The following RNF11 variants were observed in gnomAD, a reference collection of about 807,000 sequenced individuals.
RNF11 encodes ring finger protein 11.
A neutral mutation model predicts 15.8 loss-of-function variants in RNF11; 4 were observed. That is an observed-to-expected ratio of 0.25 (90% confidence interval 0.12 to 0.58). The LOEUF is 0.58. Among genes scored for constraint, RNF11 ranks in the 20% least tolerant of loss-of-function variants. The pLI is 0.91. For synonymous variants in RNF11, 68 were observed against 72.3 expected (o/e 0.94, Z 0.30); for missense variants, 139 against 194.4 (o/e 0.71, Z 1.70).
At chr1:51,244,392 T>C (rs1433945080) in intron 1 of RNF11, among the ~76,000 whole-genome samples, 2 of 151,928 alleles carry the variant, frequency 1.3e-5, no homozygotes, top group Admixed American at 1.3e-4. Flanking sequence ...TTTTTTTTTG[T>C]TTGTTTGTTT....
chr1:51,248,983 T>C lies in RNF11; in HGVS notation c.123+12104T>C, dbSNP rs533601001. On this transcript the variant is annotated intron_variant, in intron 1 of 2. Coordinates refer to ENST00000242719, the MANE Select transcript of RNF11 (RefSeq NM_014372.5). ...TATTACATAACATTGTATTAGGTATTATAAGTAATCTAGCGATGATTTAAA... is the reference window on the plus strand; with the variant it reads ...TATTACATAACATTGTATTAGGTATCATAAGTAATCTAGCGATGATTTAAA... Among the ~76,000 whole-genome samples, 12 of 152,324 alleles carry C rather than the reference T, an allele frequency of 7.9e-5. No homozygotes were observed. In the South Asian group the frequency reaches 1.2e-3, roughly 16 times the overall value.
chr1:51,240,611 A>T (rs947906790), intron 1 of RNF11, among the ~76,000 whole-genome samples: 1 of 152,116 alleles, frequency 6.6e-6, no homozygotes, highest in Non-Finnish European at 1.5e-5. Flanking sequence ...TTAGGCATTC[A>T]GTAATTTGGT....
rs778774880 is a variant in RNF11, at chr1:51,270,102, T to C, written c.270T>C (p.Asp90=). 7 of 1,599,800 alleles carry C rather than the reference T, an allele frequency of 4.4e-6. No individual in the cohort carries two copies. The South Asian group carries it at 4.6e-5, about 10-fold the overall frequency. The change falls in exon 2 of 3, where the codon GAT becomes GAC. Residue 90 remains aspartate, a synonymous_variant. Transcript: ENST00000242719. ...LPKGVYDPGR[D]GSEKKIRECV... ...AAGGAGTTTATGACCCTGGAAGAGA[T>C]GGATCAGAAAAAAAGATCCGGGAGT...
At chr1:51,253,776 G>C (rs1646891944) in intron 1 of RNF11, among the ~76,000 whole-genome samples, 1 of 152,070 alleles carries the variant, frequency 6.6e-6, no homozygotes, top group African/African-American at 2.4e-5. Flanking sequence ...ATAATACTAT[G>C]AATGTTTAAT....
chr1:51,242,754 C>T (rs1646836048), intron 1 of RNF11, among the ~76,000 whole-genome samples: 1 of 151,994 alleles, frequency 6.6e-6, no homozygotes, highest in South Asian at 2.1e-4. Context: ...GTCACTGTGC[C>T]CTGCCTGTAA....
intron 1 of RNF11, among the ~76,000 whole-genome samples, chr1:51,267,069 T>A (rs1055022853): frequency 6.6e-6 from 1 of 152,054 alleles, no homozygotes; most frequent in African/African-American, 2.4e-5. Context: ...AGCGAGACAC[T>A]GTTTCTACCA....
chr1:51,248,998 G>A (rs923949704), intron 1 of RNF11, among the ~76,000 whole-genome samples: 6 of 152,142 alleles, frequency 3.9e-5, no homozygotes, highest in African/African-American at 1.4e-4. Flanking sequence ...GTAATCTAGC[G>A]ATGATTTAAA....
chr1:51,236,806 A>G lies in RNF11; in HGVS notation c.50A>G (p.His17Arg). 1.2e-6 allele frequency: 2 copies of G among 1,612,994 alleles called. No individual in the cohort carries two copies. Among genetic ancestry groups the G allele is most frequent in the Non-Finnish European group, 1.7e-6 (2 of 1,179,536 alleles). Residue 17 changes from histidine (H) to arginine (R), a missense_variant, in exon 1 of 3, where the codon CAC (histidine) becomes CGC (arginine). His to Arg is a conservative substitution (Grantham distance 29). Coordinates refer to ENST00000242719, the MANE Select transcript of RNF11 (RefSeq NM_014372.5). Reference sequence around the variant, plus strand: ...ACCTCGGATGACATCTCCCTGCTTCACGAGTCTCAGTCCGACCGGGCTAGC... The same window carrying G: ...ACCTCGGATGACATCTCCCTGCTTCGCGAGTCTCAGTCCGACCGGGCTAGC... Reference protein sequence around the residue: ...SPTSDDISLLHESQSDRASFG... With the variant: ...SPTSDDISLLRESQSDRASFG...
At chr1:51,251,216 A>C (rs1487588287) in intron 1 of RNF11, 3 of 1,372,886 alleles carry the variant, frequency 2.2e-6, no homozygotes, top group Non-Finnish European at 3.1e-6. Flanking sequence ...CTGATTCCTT[A>C]ATGGGCAGGG....
chr1:51,258,998 G>C (rs576603153), intron 1 of RNF11, among the ~76,000 whole-genome samples: 1 of 152,280 alleles, frequency 6.6e-6, no homozygotes, highest in South Asian at 2.1e-4. Flanking sequence ...CCAGAAAAAG[G>C]ACATGTATCC....
chr1:51,248,544 C>T (rs1646863272), intron 1 of RNF11, among the ~76,000 whole-genome samples: 2 of 152,064 alleles, frequency 1.3e-5, no homozygotes, highest in South Asian at 2.1e-4. Flanking sequence ...TTAAGCTCAA[C>T]GGGGAAAGGA....
chr1:51,255,223 C>G (rs1410147684), intron 1 of RNF11, among the ~76,000 whole-genome samples: 3 of 152,138 alleles, frequency 2.0e-5, no homozygotes, highest in Non-Finnish European at 4.4e-5. Flanking sequence ...CATAGAGACT[C>G]AGCAGTTTGT....
chr1:51,248,449 G>T (rs575548188), intron 1 of RNF11, among the ~76,000 whole-genome samples: 2 of 152,132 alleles, frequency 1.3e-5, no homozygotes, highest in East Asian at 3.9e-4. Context: ...TGATCCGCTC[G>T]CCTCGGCCTC....
At chr1:51,251,720 T>C (rs577750652) in intron 1 of RNF11, among the ~76,000 whole-genome samples, 5 of 152,224 alleles carry the variant, frequency 3.3e-5, no homozygotes, top group Non-Finnish European at 5.9e-5. Context: ...GGAGGATCAC[T>C]TGAACTCAGG....
chr1:51,271,112 T>C, intron 2 of RNF11, 39 bp from the exon 3 acceptor site: 1 of 1,574,518 alleles, frequency 6.4e-7, no homozygotes. Flanking sequence ...AGGACACTTC[T>C]GAAAATGCCT....
At chr1:51,237,242 T>C (rs1437272281) in intron 1 of RNF11, among the ~76,000 whole-genome samples, 1 of 151,888 alleles carries the variant, frequency 6.6e-6, no homozygotes, top group Non-Finnish European at 1.5e-5. Flanking sequence ...TTATGGGTTC[T>C]GGATAGGTGG....
intron 1 of RNF11, among the ~76,000 whole-genome samples, chr1:51,245,935 ATG>A (rs1395235204): frequency 6.6e-6 from 1 of 152,144 alleles, no homozygotes; most frequent in African/African-American, 2.4e-5. Flanking sequence ...TTCCCTCTTC[ATG>A]TGCAGAATTT....
intron 1 of RNF11, among the ~76,000 whole-genome samples, chr1:51,241,933 T>C (rs1426687161): frequency 6.6e-6 from 1 of 152,228 alleles, no homozygotes; most frequent in Non-Finnish European, 1.5e-5. Context: ...AGGGAGGCAC[T>C]TTGTTAAAAG....
chr1:51,253,739 A>G (rs917759296), intron 1 of RNF11, among the ~76,000 whole-genome samples: 3 of 152,166 alleles, frequency 2.0e-5, no homozygotes, highest in Admixed American at 2.0e-4. Context: ...TCAACACTTC[A>G]TTATTTTTGC....
Sources: allele counts gnomAD v4.1 joint callset (sites outside exome capture counted in the v4.1 genomes callset), GRCh38; gene constraint gnomAD v4.1.1; transcripts MANE v1.5; gene names NCBI Gene and HGNC (gene_info 2026-07-23, HGNC 2026-07-21).